The following WDHD1 variants were observed in gnomAD, a reference collection of about 807,000 sequenced individuals.
WDHD1 encodes the protein WD repeat and HMG-box DNA-binding protein 1.
In WDHD1, 111 loss-of-function variants were observed where a neutral mutation model predicts 135.4. The ratio of observed to expected loss-of-function variants is 0.82; its 90% confidence interval spans 0.70 to 0.96. The LOEUF is 0.96. WDHD1 is among the 40% of genes least tolerant of loss of function. WDHD1 has a pLI of 0.00. For synonymous variants in WDHD1, 434 were observed against 439.0 expected (o/e 0.99, Z 0.14); for missense variants, 1,351 against 1,336.3 (o/e 1.01, Z -0.17).
chr14:54,973,879 C>T (rs2041479268), intron 16 of WDHD1, among the ~76,000 whole-genome samples: 1 of 152,160 alleles, frequency 6.6e-6, no homozygotes, highest in Non-Finnish European at 1.5e-5. Flanking sequence ...TTCTAAGCCA[C>T]ATTTACATCA....
chr14:54,984,589 T>C (rs2041668098), intron 15 of WDHD1, 134 bp downstream of exon 15: 7 of 797,016 alleles, frequency 8.8e-6, no homozygotes, highest in Non-Finnish European at 8.6e-6. Flanking sequence ...CATATTAAAA[T>C]AGAAATTTAA....
At chr14:54,952,865 G>T (rs2041084575) in intron 24 of WDHD1, among the ~76,000 whole-genome samples, 1 of 152,162 alleles carries the variant, frequency 6.6e-6, no homozygotes. Context: ...ACAAAAACAA[G>T]AAATGGGGAA....
In WDHD1 at chr14:54,995,749, C is replaced by A. The variant is rs1354654460; in HGVS notation, c.1007G>T (p.Gly336Val). The change falls in exon 11 of 26, where the codon GGT (glycine) becomes GTT (valine). Residue 336 changes from glycine (G) to valine (V), a missense_variant. Transcript: ENST00000360586. The stretch of plus-strand genomic sequence containing the variant: ...AACTGCATTGTCATTTAGAAAATCA[C>A]CAGCATTACTCATATCATCTCCATC... ...LFDGDDMSNA[G>V]DFLNDNAVEI... is the part of the protein sequence containing the mutation. The A allele has an allele frequency of 6.2e-7, 1 of 1,612,716 alleles. No individual in the cohort carries two copies. Among genetic ancestry groups the A allele is most frequent in the South Asian group, 1.1e-5 (1 of 90,952 alleles).
chr14:54,958,422 C>T (rs1199934044), intron 21 of WDHD1, among the ~76,000 whole-genome samples: 1 of 152,136 alleles, frequency 6.6e-6, no homozygotes, highest in Non-Finnish European at 1.5e-5. Flanking sequence ...CCACCACGCC[C>T]GGTCATCCAG....
intron 16 of WDHD1, among the ~76,000 whole-genome samples, chr14:54,969,125 G>A (rs2041390245): frequency 6.6e-6 from 1 of 151,976 alleles, no homozygotes; most frequent in Admixed American, 6.6e-5. Flanking sequence ...TGCAAGCTCC[G>A]CCTTCCAGGT....
At chr14:55,017,498 C>T (rs2042280157) in intron 2 of WDHD1, among the ~76,000 whole-genome samples, 1 of 152,016 alleles carries the variant, frequency 6.6e-6, no homozygotes, top group Admixed American at 6.6e-5. Context: ...ACGCACCACC[C>T]ACACCTGGCT....
intron 25 of WDHD1, among the ~76,000 whole-genome samples, 171 bp downstream of exon 25, chr14:54,944,161 T>C (rs2040881751): frequency 1.3e-5 from 2 of 152,044 alleles, no homozygotes; most frequent in Admixed American, 1.3e-4. Context: ...GATGTCTCAC[T>C]ATGTTGCCCA....
chr14:54,952,340 C>T (rs375854627), intron 24 of WDHD1, among the ~76,000 whole-genome samples: 1 of 152,208 alleles, frequency 6.6e-6, no homozygotes, highest in Non-Finnish European at 1.5e-5. Flanking sequence ...CATTCTTATA[C>T]ACCAATAACA....
At chr14:54,977,927 C>T (rs1184329823) in intron 16 of WDHD1, among the ~76,000 whole-genome samples, 1 of 137,810 alleles carries the variant, frequency 7.3e-6, no homozygotes, top group Non-Finnish European at 1.6e-5. Context: ...AAAAAAAAAG[C>T]ATGTTAAGAA....
At chr14:54,996,361 A>C (rs2041878499) in intron 10 of WDHD1, among the ~76,000 whole-genome samples, 1 of 152,240 alleles carries the variant, frequency 6.6e-6, no homozygotes, top group Non-Finnish European at 1.5e-5. Context: ...TAATCTCAGC[A>C]CTTTGGGAAG....
In WDHD1 at chr14:54,941,537, A is replaced by T. The variant is rs760447412; in HGVS notation, c.3343T>A (p.Phe1115Ile). ...NLSKKQKPLD[F>I]STNQKLSAFA... ...GCTGATAGTTTCTGATTTGTAGAAA[A>T]ATCTAAAGGTTTCTGCTTTTTAGAC... The change falls in exon 26 of 26, where the codon TTT (phenylalanine) becomes ATT (isoleucine). Residue 1115 changes from phenylalanine (F) to isoleucine (I), a missense_variant. Transcript: ENST00000360586. The T allele has an allele frequency of 6.2e-7, 1 of 1,613,454 alleles. No homozygotes were observed. Among genetic ancestry groups the T allele is most frequent in the East Asian group, 2.2e-5 (1 of 44,862 alleles).
intron 3 of WDHD1, among the ~76,000 whole-genome samples, chr14:55,012,387 T>C (rs753302772): frequency 6.6e-6 from 1 of 152,208 alleles, no homozygotes; most frequent in Non-Finnish European, 1.5e-5. Context: ...TAGGGGTTTA[T>C]AGATAATTAA....
At chr14:54,959,923 C>T (rs1455325101) in intron 21 of WDHD1, among the ~76,000 whole-genome samples, 12 of 152,168 alleles carry the variant, frequency 7.9e-5, no homozygotes, top group African/African-American at 2.4e-4. Flanking sequence ...TAGCCCCTTG[C>T]GGTTTGGTGC....
chr14:54,985,511 A>G (rs979422251), intron 14 of WDHD1, among the ~76,000 whole-genome samples: 3 of 152,232 alleles, frequency 2.0e-5, no homozygotes, highest in African/African-American at 7.2e-5. Flanking sequence ...AGAGGCAGGC[A>G]AAGGTCAGAT....
At chr14:55,009,078 AG>A (rs2042122082) in intron 4 of WDHD1, among the ~76,000 whole-genome samples, 1 of 152,162 alleles carries the variant, frequency 6.6e-6, no homozygotes, top group African/African-American at 2.4e-5. Flanking sequence ...TACAGGCATG[AG>A]CCACTACGCC....
At chr14:55,003,408 TG>T (rs1452867279) in intron 7 of WDHD1, among the ~76,000 whole-genome samples, 2 of 151,730 alleles carry the variant, frequency 1.3e-5, no homozygotes, top group African/African-American at 2.4e-5. Context: ...CTACTCGGGT[TG>T]GGGGCTGAGG....
chr14:54,992,622 A>G (rs1487045214), intron 11 of WDHD1, among the ~76,000 whole-genome samples: 1 of 152,240 alleles, frequency 6.6e-6, no homozygotes, highest in African/African-American at 2.4e-5. Context: ...ACACTAGCAG[A>G]TATAATTTAC....
chr14:54,984,892 T>A (rs1388328207), intron 14 of WDHD1, 32 bp from the exon 15 acceptor site: 4 of 1,602,246 alleles, frequency 2.5e-6, no homozygotes, highest in Non-Finnish European at 3.4e-6. Flanking sequence ...AAATCAGGCA[T>A]CAAAGGTTAT....
At chr14:54,949,059 G>C (rs1454553015) in intron 24 of WDHD1, among the ~76,000 whole-genome samples, 1 of 152,102 alleles carries the variant, frequency 6.6e-6, no homozygotes, top group East Asian at 1.9e-4. Flanking sequence ...GGAAAAAACA[G>C]AGCAAAAAAG....
Sources: allele counts gnomAD v4.1 joint callset (sites outside exome capture counted in the v4.1 genomes callset), GRCh38; gene constraint gnomAD v4.1.1; transcripts MANE v1.5; gene names NCBI Gene and HGNC (gene_info 2026-07-23, HGNC 2026-07-21).